The following AUTS2 variants were observed in gnomAD, a reference collection of about 807,000 sequenced individuals.
AUTS2 encodes activator of transcription and developmental regulator AUTS2, also known as autism susceptibility gene 2 protein.
A neutral mutation model predicts 112.4 loss-of-function variants in AUTS2; 17 were observed. That is an observed-to-expected ratio of 0.15 (90% CI 0.10 to 0.23). The LOEUF (loss-of-function observed/expected upper bound fraction) is 0.23, where lower values mean the gene tolerates loss of function less well. Among genes scored for constraint, AUTS2 ranks in the 10% least tolerant of loss-of-function variants. The pLI, the probability that AUTS2 is intolerant of heterozygous loss-of-function variation, is 1.00. For missense variants in AUTS2, 1,510 were observed against 1,701.6 expected (o/e 0.89, Z 1.98); for synonymous variants, 751 against 702.7 (o/e 1.07, Z -1.09).
chr7:69,600,215 C>T (rs568601129), intron 1 of AUTS2, among the ~76,000 whole-genome samples: 1 of 152,168 alleles, frequency 6.6e-6, no homozygotes, highest in East Asian at 1.9e-4. Context: ...TCCCTGCACC[C>T]CCTCCACAGC....
At chr7:69,809,306 C>T (rs1444028900) in intron 1 of AUTS2, among the ~76,000 whole-genome samples, 2 of 151,846 alleles carry the variant, frequency 1.3e-5, no homozygotes, top group African/African-American at 4.8e-5. Flanking sequence ...TCTCCATCTC[C>T]TGACCTCGTG....
chr7:70,363,193 G>A (rs1294574453), intron 4 of AUTS2, among the ~76,000 whole-genome samples: 2 of 152,202 alleles, frequency 1.3e-5, no homozygotes, highest in Non-Finnish European at 2.9e-5. Flanking sequence ...TCAAAATCAT[G>A]TAGATCACCA....
intron 4 of AUTS2, among the ~76,000 whole-genome samples, chr7:70,357,963 C>A (rs190701286): frequency 1.1e-3 from 163 of 145,932 alleles, no homozygotes; most frequent in Middle Eastern, 3.4e-3. Context: ...ATCCTTTAGA[C>A]CATTGAGAGC....
chr7:70,651,328 A>T (rs1259750207), intron 5 of AUTS2, among the ~76,000 whole-genome samples: 3 of 152,208 alleles, frequency 2.0e-5, no homozygotes, highest in African/African-American at 7.2e-5. Flanking sequence ...CATTTACTGT[A>T]GCAAACTCAC....
At chr7:70,616,592 G>A (rs1804379009) in intron 5 of AUTS2, among the ~76,000 whole-genome samples, 1 of 152,162 alleles carries the variant, frequency 6.6e-6, no homozygotes. Flanking sequence ...AGTCCCCAGT[G>A]CCTGACACTG....
chr7:70,553,972 A>G (rs933396570), intron 5 of AUTS2, among the ~76,000 whole-genome samples: 15 of 150,698 alleles, frequency 1.0e-4, no homozygotes, highest in African/African-American at 3.7e-4. Context: ...GTGTTTCACC[A>G]CATTGGTCAG....
chr7:70,072,141 T>A (rs1179818774), intron 2 of AUTS2, among the ~76,000 whole-genome samples: 1 of 152,214 alleles, frequency 6.6e-6, no homozygotes, highest in African/African-American at 2.4e-5. Context: ...CCCTTTTTAA[T>A]TTTTCTTTTC....
intron 2 of AUTS2, among the ~76,000 whole-genome samples, chr7:70,036,498 T>G (rs1563056102): frequency 6.6e-6 from 1 of 152,248 alleles, no homozygotes; most frequent in Non-Finnish European, 1.5e-5. Flanking sequence ...GTTTCTATCA[T>G]AGGAGAAGCC....
At chr7:70,552,053 G>T (rs1585291531) in intron 5 of AUTS2, among the ~76,000 whole-genome samples, 1 of 152,166 alleles carries the variant, frequency 6.6e-6, no homozygotes, top group Non-Finnish European at 1.5e-5. Context: ...TAAGAGAAGA[G>T]GAGAAGAGAG....
intron 4 of AUTS2, among the ~76,000 whole-genome samples, chr7:70,219,684 A>G (rs1331911664): frequency 4.0e-5 from 6 of 150,440 alleles, no homozygotes; most frequent in Non-Finnish European, 7.4e-5. Context: ...CGATTCTCCT[A>G]CCGCAGCCTC....
Position 70,053,368 on chromosome 7 carries a change from T to G in AUTS2, c.523-64764T>G, listed in dbSNP as rs560256549. On this transcript the variant is annotated intron_variant, in intron 2 of 18. Transcript: ENST00000342771. ...TTAAAAAAGAATTTTCCATCTAAATTTAATAGCTTTCTTCTGTAGCTACCC... is the reference window on the plus strand; with the variant it reads ...TTAAAAAAGAATTTTCCATCTAAATGTAATAGCTTTCTTCTGTAGCTACCC... Among the ~76,000 whole-genome samples, 4 of 152,238 alleles carry G rather than the reference T, an allele frequency of 2.6e-5. No individual in the cohort carries two copies. In the South Asian group the frequency reaches 8.3e-4, roughly 32 times the overall value.
intron 1 of AUTS2, among the ~76,000 whole-genome samples, chr7:69,667,045 T>G (rs1237156330): frequency 2.0e-5 from 3 of 152,172 alleles, no homozygotes; most frequent in Non-Finnish European, 4.4e-5. Context: ...AAATCCAAGG[T>G]TGAGGGGCCA....
chr7:70,398,087 T>C (rs1794165597), intron 4 of AUTS2, among the ~76,000 whole-genome samples: 1 of 152,244 alleles, frequency 6.6e-6, no homozygotes, highest in Non-Finnish European at 1.5e-5. Flanking sequence ...CTTTGCACTT[T>C]TGTTCAAATT....
At chr7:69,632,386 A>G (rs1330637598) in intron 1 of AUTS2, among the ~76,000 whole-genome samples, 2 of 152,234 alleles carry the variant, frequency 1.3e-5, no homozygotes, top group African/African-American at 2.4e-5. Flanking sequence ...TGGGTACCCA[A>G]GAAACCAGAA....
intron 2 of AUTS2, among the ~76,000 whole-genome samples, chr7:69,979,951 G>A (rs766984609): frequency 1.3e-5 from 2 of 152,176 alleles, no homozygotes; most frequent in African/African-American, 2.4e-5. Context: ...TTTTGTGTGA[G>A]TAAGTAAGAG....
rs139148301 is a variant in AUTS2, at chr7:70,228,333, G to T, written c.660+93762G>T. Among the ~76,000 whole-genome samples the T allele has an allele frequency of 2.7e-4, 41 of 149,460 alleles. 1 individual carries two copies. The East Asian group carries it at 7.9e-3, about 29-fold the overall frequency. ...TTTGCATTTGTATGTAAAATGTATC[G>T]CTTTTAGAAAGCATATCATTGGGTC... On this transcript the variant is annotated intron_variant, in intron 4 of 18. Coordinates refer to ENST00000342771, the MANE Select transcript of AUTS2 (RefSeq NM_015570.4).
intron 2 of AUTS2, among the ~76,000 whole-genome samples, chr7:69,911,818 C>T (rs1433899216): frequency 3.3e-5 from 5 of 152,182 alleles, no homozygotes; most frequent in Non-Finnish European, 7.3e-5. Context: ...GCCAAATGGT[C>T]ATCAATGAAG....
At chr7:69,614,368 T>TTTCTTTCTTTCTTTCTTTCTTTTCTTTC in intron 1 of AUTS2, among the ~76,000 whole-genome samples, 3 of 19,510 alleles carry the variant, frequency 1.5e-4, no homozygotes, top group Non-Finnish European at 2.2e-4. Flanking sequence ...TTCTTTCTTT[T>TTTCTTTCTTTCTTTCTTTCTTTTCTTTC]TTTAAGAGAT....
Position 70,231,642 on chromosome 7 carries a change from G to T in AUTS2, c.660+97071G>T, listed in dbSNP as rs1041570377. On this transcript the variant is annotated intron_variant, in intron 4 of 18. Transcript: ENST00000342771. The stretch of plus-strand genomic sequence containing the variant: ...GTATTTTTAGTAGACACAGCGTTTC[G>T]CCATGTTAGCCAGGATGATCTCAAT... Among the ~76,000 whole-genome samples the T allele has an allele frequency of 4.6e-5, 7 of 151,684 alleles. No individual in the cohort carries two copies. The East Asian group carries it at 1.4e-3, about 29-fold the overall frequency.
Sources: allele counts gnomAD v4.1 joint callset (sites outside exome capture counted in the v4.1 genomes callset), GRCh38; gene constraint gnomAD v4.1.1; transcripts MANE v1.5; gene names NCBI Gene and HGNC (gene_info 2026-07-23, HGNC 2026-07-21).